Variants in NRXN3 observed in about 807,000 individuals in gnomAD.
NRXN3 encodes the protein neurexin III.
In NRXN3, 32 loss-of-function variants were observed where a neutral mutation model predicts 137.6. The observed-to-expected ratio is 0.23, with a 90% CI of 0.18 to 0.31. The LOEUF is 0.31. Ranked by LOEUF, NRXN3 falls within the 10% of genes least tolerant of loss-of-function variation. The pLI is 1.00. For missense variants in NRXN3, 1,574 were observed against 2,062.5 expected, an observed-to-expected ratio of 0.76 and a Z score of 4.59; for synonymous variants, 798 against 784.5, an observed-to-expected ratio of 1.02 and a Z score of -0.29.
chr14:78,275,069 A>G (rs1037600677), intron 2 of NRXN3, among the ~76,000 whole-genome samples: 1 of 152,214 alleles, frequency 6.6e-6, no homozygotes, highest in South Asian at 2.1e-4. Context: ...TCAGGTATAC[A>G]GAAGAGTGTT....
intron 15 of NRXN3, among the ~76,000 whole-genome samples, chr14:79,157,630 A>G (rs1035095692): frequency 1.3e-5 from 2 of 151,796 alleles, no homozygotes; most frequent in Admixed American, 6.6e-5. Context: ...CAGCATTTGA[A>G]AGAAACACTC....
At chr14:79,252,845 A>G (rs1330328932) in intron 15 of NRXN3, among the ~76,000 whole-genome samples, 1 of 152,140 alleles carries the variant, frequency 6.6e-6, no homozygotes, top group Admixed American at 6.6e-5. Context: ...TTCTTAGAAC[A>G]TTTGGAGAAC....
intron 15 of NRXN3, among the ~76,000 whole-genome samples, chr14:79,190,670 A>G (rs548686006): frequency 6.6e-6 from 1 of 152,222 alleles, no homozygotes; most frequent in East Asian, 1.9e-4. Flanking sequence ...TTACCCATCC[A>G]GAGAATTCCT....
rs1319397117 is a variant in NRXN3 at position 79,694,877 on chromosome 14, G to T, written c.3706+2615G>T. On this transcript the variant is annotated intron_variant, in intron 18 of 20. Transcript: ENST00000335750. ...AGGGTTTTACTACAGCAGAAGAGCA[G>T]ATCTAGCCAGAAACAGACCATGAAA... is the stretch of plus-strand genomic sequence containing the variant. Among the ~76,000 whole-genome samples, 2 of 152,060 alleles carry T rather than the reference G, an allele frequency of 1.3e-5. 1 individual carries two copies.
chr14:78,266,513 G>A (rs2071747903), intron 2 of NRXN3, among the ~76,000 whole-genome samples: 1 of 152,112 alleles, frequency 6.6e-6, no homozygotes, highest in South Asian at 2.1e-4. Flanking sequence ...TGGCCAGGAT[G>A]GTCTTGATCT....
At chr14:79,427,886 C>A (rs2095681055) in intron 15 of NRXN3, among the ~76,000 whole-genome samples, 1 of 151,428 alleles carries the variant, frequency 6.6e-6, no homozygotes, top group Admixed American at 6.6e-5. Context: ...TTCATTTATT[C>A]AAGGAATTGC....
intron 4 of NRXN3, among the ~76,000 whole-genome samples, chr14:78,399,638 T>C (rs187815612): frequency 1.8e-4 from 28 of 152,356 alleles, no homozygotes; most frequent in Admixed American, 1.8e-3. Context: ...CCATACTCAA[T>C]GTCTAACTGC....
At chr14:79,462,428 G>C (rs1482270774) in intron 15 of NRXN3, among the ~76,000 whole-genome samples, 2 of 151,284 alleles carry the variant, frequency 1.3e-5, no homozygotes, top group Non-Finnish European at 2.9e-5. Flanking sequence ...ATTTCCCCTG[G>C]GAGATGCTTC....
At chr14:78,417,314 T>A (rs531725502) in intron 4 of NRXN3, among the ~76,000 whole-genome samples, 13 of 152,352 alleles carry the variant, frequency 8.5e-5, no homozygotes, top group African/African-American at 2.6e-4. Flanking sequence ...TCCTTCTGTC[T>A]GCCTGAGATG....
intron 15 of NRXN3, among the ~76,000 whole-genome samples, chr14:79,419,617 G>C (rs182686816): frequency 1.2e-4 from 19 of 152,172 alleles, no homozygotes; most frequent in Non-Finnish European, 2.6e-4. Context: ...GAGAGAGAGA[G>C]AGAAAGGGAG....
chr14:78,405,625 G>A (rs1247886829), intron 4 of NRXN3, among the ~76,000 whole-genome samples: 1 of 144,762 alleles, frequency 6.9e-6, no homozygotes, highest in East Asian at 2.0e-4. Context: ...GGGGGGTTCC[G>A]GGTATCTGAT....
At chr14:79,145,022 A>G (rs1240170192) in intron 15 of NRXN3, among the ~76,000 whole-genome samples, 1 of 152,128 alleles carries the variant, frequency 6.6e-6, no homozygotes, top group African/African-American at 2.4e-5. Flanking sequence ...TATCCTTTTT[A>G]GGTAAATGAA....
chr14:78,246,690 T>C (rs1398304381), intron 2 of NRXN3, among the ~76,000 whole-genome samples: 1 of 152,120 alleles, frequency 6.6e-6, no homozygotes. Flanking sequence ...CCTCCACACA[T>C]AGTTAATTTT....
At chr14:79,424,542 A>C (rs1277827276) in intron 15 of NRXN3, among the ~76,000 whole-genome samples, 6 of 152,188 alleles carry the variant, frequency 3.9e-5, no homozygotes, top group Non-Finnish European at 7.4e-5. Context: ...ATTACATTCA[A>C]TTATTTTACT....
intron 19 of NRXN3, among the ~76,000 whole-genome samples, chr14:79,732,114 C>T (rs2098926059): frequency 6.6e-6 from 1 of 152,114 alleles, no homozygotes; most frequent in South Asian, 2.1e-4. Context: ...GCCTCTAGCA[C>T]ATAGTATCCT....
chr14:78,579,839 A>G (rs1375641904), intron 4 of NRXN3, among the ~76,000 whole-genome samples: 1 of 152,188 alleles, frequency 6.6e-6, no homozygotes, highest in Admixed American at 6.5e-5. Context: ...CCTGAGAAGG[A>G]ATTGTGAACA....
chr14:79,537,242 G>A (rs573525326), intron 16 of NRXN3, among the ~76,000 whole-genome samples: 135 of 151,658 alleles, frequency 8.9e-4, no homozygotes, highest in African/African-American at 2.8e-3. Context: ...CATGTTTGTC[G>A]GCTGCATAAA....
At chr14:78,730,175 C>A (rs2098508217) in intron 8 of NRXN3, among the ~76,000 whole-genome samples, 1 of 152,108 alleles carries the variant, frequency 6.6e-6, no homozygotes, top group Non-Finnish European at 1.5e-5. Flanking sequence ...GACAGGTGGG[C>A]AGGCATGGAA....
At chr14:79,687,462 C>A (rs914793095) in intron 17 of NRXN3, among the ~76,000 whole-genome samples, 6 of 152,300 alleles carry the variant, frequency 3.9e-5, no homozygotes, top group African/African-American at 1.2e-4. Context: ...TTGAGGGCAG[C>A]AGTACCACTA....
Sources: gnomAD v4.1 joint callset for allele counts (sites outside exome capture counted in the v4.1 genomes callset) on GRCh38, gnomAD v4.1.1 for gene constraint, MANE v1.5 for transcripts, NCBI Gene and HGNC (gene_info 2026-07-23, HGNC 2026-07-21) for gene names.